RNF185: variants seen among roughly 807,000 people sequenced by gnomAD.
RNF185 encodes ring finger protein 185, also known as E3 ubiquitin-protein ligase RNF185.
Under a neutral mutation model 24.9 loss-of-function variants are expected in RNF185, and 13 were observed. That is an observed-to-expected ratio of 0.52 (90% CI 0.34 to 0.83). The LOEUF (loss-of-function observed/expected upper bound fraction) is 0.83. RNF185 is among the 40% of genes least tolerant of loss of function. The pLI is 0.01. For missense variants in RNF185, 184 were observed against 244.7 expected (o/e 0.75, Z 1.65); for synonymous variants, 79 against 90.3 (o/e 0.88, Z 0.71).
chr22:31,204,354 A>G, intron 6 of RNF185, 135 bp from the exon 7 acceptor site: 1 of 647,844 alleles, frequency 1.5e-6, no homozygotes, highest in African/African-American at 1.8e-5. Context: ...AAAAAAAAAA[A>G]AAGAAATCTT....
intron 2 of RNF185, among the ~76,000 whole-genome samples, chr22:31,188,933 A>C (rs1417267495): frequency 3.3e-5 from 5 of 150,290 alleles, no homozygotes; most frequent in Admixed American, 6.7e-5. Context: ...ATCCTGGCTA[A>C]CACGGTGAAA....
Position 31,205,284 on chromosome 22 carries a change from C to CATAAATTATTCCTGGT in RNF185, c.*699_*714dup. The CATAAATTATTCCTGGT allele has an allele frequency of 5.9e-6, 1 of 169,810 alleles. No individual in the cohort carries two copies. Among genetic ancestry groups the CATAAATTATTCCTGGT allele is most frequent in the African/African-American group, 2.4e-5 (1 of 41,634 alleles). 10.5% of individuals were successfully genotyped at this position (169,810 alleles called of 1,614,324 possible). Reference sequence around the variant, plus strand: ...CTTGAATGACTTCCTGGTTTCCTGGCATAAATTATTCCTGGTGAGACATGT... The same window carrying CATAAATTATTCCTGGT: ...CTTGAATGACTTCCTGGTTTCCTGGCATAAATTATTCCTGGTATAAATTATTCCTGGTGAGACATGT... On this transcript the variant is annotated 3_prime_UTR_variant, in exon 7 of 7. Transcript: ENST00000326132.
chr22:31,196,348 C>T (rs914475792), intron 4 of RNF185, among the ~76,000 whole-genome samples: 13 of 152,188 alleles, frequency 8.5e-5, no homozygotes, highest in African/African-American at 3.1e-4. Context: ...CCCCTTGAAA[C>T]CATGAACACT....
Position 31,195,453 on chromosome 22 carries a change from T to G in RNF185, c.196-16T>G. 6.4e-7 allele frequency: 1 copy of G among 1,571,780 alleles called. No homozygotes were observed. Among genetic ancestry groups the G allele is most frequent in the Non-Finnish European group, 8.7e-7 (1 of 1,154,622 alleles). ...GTCTTGGGCCATCCACATGCATTTT[T>G]CTCTCCTGTTTGCAGTGGTTGGAGA... On this transcript the variant is annotated splice_polypyrimidine_tract_variant and intron_variant, in intron 3 of 6. Transcript: ENST00000326132.
chr22:31,204,047 G>GAAAA (rs34570885), intron 6 of RNF185, among the ~76,000 whole-genome samples: 1 of 112,034 alleles, frequency 8.9e-6, no homozygotes, highest in Non-Finnish European at 1.7e-5. Context: ...ACCTCAAAAA[G>GAAAA]AAAAAAAAAA....
At chr22:31,167,395 C>G (rs1923993185) in intron 1 of RNF185, among the ~76,000 whole-genome samples, 2 of 152,030 alleles carry the variant, frequency 1.3e-5, no homozygotes, top group South Asian at 4.1e-4. Context: ...TGTTGTATAA[C>G]CATCACCACT....
At chr22:31,184,173 G>A (rs1483535650) in intron 1 of RNF185, among the ~76,000 whole-genome samples, 3 of 151,004 alleles carry the variant, frequency 2.0e-5, no homozygotes, top group South Asian at 2.1e-4. Flanking sequence ...GGCGGCTGCC[G>A]GGCAGAGGGG....
At chr22:31,176,956 C>A (rs1307677280) in intron 1 of RNF185, among the ~76,000 whole-genome samples, 1 of 152,148 alleles carries the variant, frequency 6.6e-6, no homozygotes, top group Non-Finnish European at 1.5e-5. Flanking sequence ...ACGTTAAAAT[C>A]ATGGAGCCCT....
At chr22:31,202,896 G>A (rs1384675902) in intron 6 of RNF185, among the ~76,000 whole-genome samples, 3 of 152,160 alleles carry the variant, frequency 2.0e-5, no homozygotes, top group African/African-American at 7.2e-5. Context: ...TTACAGGCGT[G>A]AGCCACCGCG....
intron 1 of RNF185, among the ~76,000 whole-genome samples, chr22:31,184,470 G>A (rs534226471): frequency 1.1e-3 from 168 of 151,966 alleles, no homozygotes; most frequent in Non-Finnish European, 1.1e-3. Context: ...CATCCCAGAC[G>A]ATGGGCGGCC....
chr22:31,188,849 G>A (rs538205380), intron 2 of RNF185, among the ~76,000 whole-genome samples: 8 of 151,034 alleles, frequency 5.3e-5, no homozygotes, highest in East Asian at 1.9e-4. Flanking sequence ...GGCTGGGCGC[G>A]GTGGCTCACG....
At position 31,206,815 on chromosome 22, in the gene RNF185, C is replaced by T. The variant is rs2048319091; in HGVS notation, c.*2229C>T. 6.6e-6 allele frequency: 1 copy of T among 152,250 alleles called. No homozygotes were observed. Among genetic ancestry groups the T allele is most frequent in the Non-Finnish European group, 1.5e-5 (1 of 68,068 alleles). The allele number at this position is 152,250 out of a possible 1,614,324, so 9.4% of individuals were successfully genotyped here. On this transcript the variant is annotated 3_prime_UTR_variant, in exon 7 of 7. Coordinates refer to ENST00000326132, the MANE Select transcript of RNF185 (RefSeq NM_152267.4). Reference sequence around the variant, plus strand: ...GCAAGCTCACCACCTCATCCTTCTGCCAAGGCAGCTTTCCTTTCTTTTGTG... The same window carrying T: ...GCAAGCTCACCACCTCATCCTTCTGTCAAGGCAGCTTTCCTTTCTTTTGTG...
At chr22:31,163,734 C>T (rs895724946) in intron 1 of RNF185, among the ~76,000 whole-genome samples, 3 of 150,450 alleles carry the variant, frequency 2.0e-5, no homozygotes, top group African/African-American at 7.4e-5. Flanking sequence ...AGTGCAGTGG[C>T]GCAATCTCGG....
chr22:31,170,690 A>G (rs776980198), intron 1 of RNF185, among the ~76,000 whole-genome samples: 1 of 151,200 alleles, frequency 6.6e-6, no homozygotes, highest in African/African-American at 2.4e-5. Context: ...TGTATTTTTT[A>G]GTAGAGATAG....
chr22:31,184,924 G>A (rs928291642), intron 1 of RNF185, among the ~76,000 whole-genome samples: 2 of 142,140 alleles, frequency 1.4e-5, no homozygotes, highest in Admixed American at 7.1e-5. Context: ...GACGAGGACC[G>A]TGCAAAGGGG....
rs1381195403 is a variant in RNF185 at position 31,205,961 on chromosome 22, G to A, written c.*1375G>A. The A allele has an allele frequency of 6.5e-6, 1 of 154,306 alleles. No homozygotes were observed. The highest frequency in any genetic ancestry group is 1.5e-5 in the Non-Finnish European group (1 of 68,220). 9.6% of individuals were successfully genotyped at this position (154,306 alleles called of 1,614,324 possible). On this transcript the variant is annotated 3_prime_UTR_variant, in exon 7 of 7. Coordinates refer to ENST00000326132, the MANE Select transcript of RNF185 (RefSeq NM_152267.4). ...CTGTTCACCTGGTGGAACAGTTCTTGCTCTGCCTTCTAGGCTTCATCCCAG... is the reference window on the plus strand; with the variant it reads ...CTGTTCACCTGGTGGAACAGTTCTTACTCTGCCTTCTAGGCTTCATCCCAG...
At chr22:31,168,467 C>T (rs377533307) in intron 1 of RNF185, among the ~76,000 whole-genome samples, 1 of 152,212 alleles carries the variant, frequency 6.6e-6, no homozygotes, top group Non-Finnish European at 1.5e-5. Context: ...ATTCATCTGT[C>T]GATGCAAACT....
chr22:31,179,125 G>A (rs1455952255), intron 1 of RNF185, among the ~76,000 whole-genome samples: 2 of 152,212 alleles, frequency 1.3e-5, no homozygotes, highest in East Asian at 1.9e-4. Context: ...CAGAGGCACA[G>A]AACTAGCCAC....
Position 31,206,220 on chromosome 22 carries a change from T to C in RNF185, c.*1634T>C, listed in dbSNP as rs1420076401. On this transcript the variant is annotated 3_prime_UTR_variant, in exon 7 of 7. Coordinates refer to ENST00000326132, the MANE Select transcript of RNF185 (RefSeq NM_152267.4). ...TCTTCACAGTCCCCATCTCTTCTCC[T>C]TTGTACCTGTCAACACCAGAGTTCA... 1.3e-5 allele frequency: 2 copies of C among 152,638 alleles called. No individual in the cohort carries two copies. The highest frequency in any genetic ancestry group is 6.6e-5 in the Admixed American group (1 of 15,260). The allele number at this position is 152,638 out of a possible 1,614,324, so 9.5% of individuals were successfully genotyped here.
Sources: gnomAD v4.1 joint callset for allele counts (sites outside exome capture counted in the v4.1 genomes callset) on GRCh38, gnomAD v4.1.1 for gene constraint, MANE v1.5 for transcripts, NCBI Gene and HGNC (gene_info 2026-07-23, HGNC 2026-07-21) for gene names.